The following TENM3 variants were observed in gnomAD, a reference collection of about 807,000 sequenced individuals.
TENM3 encodes teneurin transmembrane protein 3, also known as teneurin-3.
TENM3 carries 63 observed loss-of-function variants against 255.1 expected under a neutral mutation model. The observed-to-expected ratio is 0.25, with a 90% confidence interval of 0.20 to 0.30. The LOEUF is 0.30. Among genes scored for constraint, TENM3 ranks in the 10% least tolerant of loss-of-function variants. The pLI, the probability that TENM3 is intolerant of heterozygous loss-of-function variation, is 1.00. For synonymous variants in TENM3, 1,306 were observed against 1,322.3 expected (o/e 0.99, Z 0.27); for missense variants, 2,929 against 3,461.1 (o/e 0.85, Z 3.86).
chr4:182,799,933 C>G lies in TENM3; in HGVS notation c.7682C>G (p.Thr2561Arg). 6.3e-7 allele frequency: 1 copy of G among 1,598,914 alleles called. No homozygotes were observed. Among genetic ancestry groups the G allele is most frequent in the Non-Finnish European group, 8.5e-7 (1 of 1,173,136 alleles). Reference sequence around the variant, plus strand: ...ACCACGCCCGAGAGCGACCTGGGCACGCTGCGGTTGACCAGCGGCCGCAAG... The same window carrying G: ...ACCACGCCCGAGAGCGACCTGGGCAGGCTGCGGTTGACCAGCGGCCGCAAG... ...KTTTPESDLG[T>R]LRLTSGRKAL... Residue 2561 changes from threonine (T) to arginine (R), a missense_variant, in exon 28 of 28, where the codon ACG (threonine) becomes AGG (arginine). By Grantham distance (71) the Thr-to-Arg change is moderately conservative. Transcript: ENST00000511685. This position sits in a 1 kb window ranked among gnomAD's most constrained non-coding sequence, Gnocchi z 4.2.
chr4:182,402,681 C>T (rs567474856), intron 3 of TENM3, among the ~76,000 whole-genome samples: 5 of 152,160 alleles, frequency 3.3e-5, no homozygotes, highest in South Asian at 2.1e-4. Flanking sequence ...CTGTTTGCTG[C>T]GCTTGCCTAG....
At chr4:181,953,490 G>A in the TENM3 span, among the ~76,000 whole-genome samples, 43 of 152,016 alleles carry the variant, frequency 2.8e-4, no homozygotes, top group Non-Finnish European at 5.6e-4. Context: ...GATGGATACA[G>A]CAAAATGGCA....
intron 3 of TENM3, among the ~76,000 whole-genome samples, chr4:182,584,231 C>T (rs1745787128): frequency 6.6e-6 from 1 of 152,238 alleles, no homozygotes; most frequent in African/African-American, 2.4e-5. Context: ...TCAGTTCTGG[C>T]ATGCAATATT....
chr4:181,927,941 T>A, the TENM3 span, among the ~76,000 whole-genome samples: 1 of 152,130 alleles, frequency 6.6e-6, no homozygotes, highest in Non-Finnish European at 1.5e-5. Flanking sequence ...AGAGGCCTGA[T>A]TGTTACAAGG....
the TENM3 span, among the ~76,000 whole-genome samples, chr4:181,580,641 C>G: frequency 6.6e-6 from 1 of 152,128 alleles, no homozygotes; most frequent in South Asian, 2.1e-4. Context: ...CCCAGACCCC[C>G]CTGAGAGGAG....
intron 15 of TENM3, 82 bp downstream of exon 15, chr4:182,730,401 G>A: frequency 1.3e-6 from 2 of 1,513,122 alleles, no homozygotes; most frequent in Non-Finnish European, 1.8e-6. Flanking sequence ...ATGTTTGACT[G>A]TCCTTTTAAA....
chr4:181,568,597 A>C, the TENM3 span, among the ~76,000 whole-genome samples: 1 of 152,120 alleles, frequency 6.6e-6, no homozygotes, highest in African/African-American at 2.4e-5. Context: ...CAAACTCCTC[A>C]GGGAAATCTG....
the TENM3 span, among the ~76,000 whole-genome samples, chr4:182,048,426 G>C: frequency 0.024 from 3,700 of 152,110 alleles, 155 homozygotes; most frequent in African/African-American, 0.082. Flanking sequence ...CAAACACATA[G>C]ATATTACCAG....
At chr4:182,405,540 G>C (rs1175158715) in intron 3 of TENM3, among the ~76,000 whole-genome samples, 1 of 152,184 alleles carries the variant, frequency 6.6e-6, no homozygotes, top group African/African-American at 2.4e-5. Context: ...AATTAACAAA[G>C]AATTTGAAGT....
chr4:182,386,601 G>A (rs1486641198), intron 3 of TENM3, among the ~76,000 whole-genome samples: 1 of 152,148 alleles, frequency 6.6e-6, no homozygotes, highest in African/African-American at 2.4e-5. Context: ...CGCAGCGCTT[G>A]CGGGCCAGCT....
At chr4:182,725,928 G>A (rs1031184856) in intron 13 of TENM3, among the ~76,000 whole-genome samples, 43 of 152,190 alleles carry the variant, frequency 2.8e-4, no homozygotes, top group African/African-American at 8.2e-4. Flanking sequence ...GTGAGCTACC[G>A]CGCCCGGCTT....
chr4:181,515,879 C>T, the TENM3 span, among the ~76,000 whole-genome samples: 3 of 152,076 alleles, frequency 2.0e-5, no homozygotes, highest in African/African-American at 7.2e-5. Context: ...CATTCTATTA[C>T]AAAGATACAT....
chr4:182,657,374 A>G (rs1260572901), intron 6 of TENM3, among the ~76,000 whole-genome samples: 2 of 152,112 alleles, frequency 1.3e-5, no homozygotes, highest in African/African-American at 4.8e-5. Context: ...AAAAAATAGA[A>G]ACTTGCAAGG....
At chr4:182,000,501 C>T in the TENM3 span, among the ~76,000 whole-genome samples, 1 of 152,078 alleles carries the variant, frequency 6.6e-6, no homozygotes, top group Admixed American at 6.6e-5. Context: ...ATAGGATGGT[C>T]TCTACTTATC....
intron 5 of TENM3, among the ~76,000 whole-genome samples, chr4:182,638,899 A>G (rs1283730598): frequency 6.6e-6 from 1 of 152,236 alleles, no homozygotes; most frequent in African/African-American, 2.4e-5. Context: ...TGCATTTCCC[A>G]GAAAGACAGA....
the TENM3 span, among the ~76,000 whole-genome samples, chr4:181,947,598 A>C: frequency 6.6e-6 from 1 of 152,324 alleles, no homozygotes; most frequent in African/African-American, 2.4e-5. Flanking sequence ...TATATTTGAA[A>C]AATGTTACTT....
intron 8 of TENM3, 111 bp from the exon 9 acceptor site, chr4:182,680,136 CT>C: frequency 1.2e-6 from 1 of 828,204 alleles, no homozygotes; most frequent in Non-Finnish European, 2.0e-6. Context: ...AGTGACAGTG[CT>C]TTGCTTTACT....
chr4:181,687,054 A>G, the TENM3 span, among the ~76,000 whole-genome samples: 2 of 152,190 alleles, frequency 1.3e-5, no homozygotes, highest in Non-Finnish European at 2.9e-5. Flanking sequence ...AAAAAGAGAG[A>G]TGCATAGAGC....
intron 1 of TENM3, among the ~76,000 whole-genome samples, chr4:182,236,862 G>C (rs1756928635): frequency 6.6e-6 from 1 of 152,164 alleles, no homozygotes; most frequent in East Asian, 1.9e-4. Context: ...TTTAAGTTCT[G>C]GGATACACAT....
Sources: allele counts gnomAD v4.1 joint callset (sites outside exome capture counted in the v4.1 genomes callset), GRCh38; gene constraint gnomAD v4.1.1; non-coding constraint Gnocchi (gnomAD v3.1); transcripts MANE v1.5; gene names NCBI Gene and HGNC (gene_info 2026-07-23, HGNC 2026-07-21).